Variants in ST8SIA4 observed in about 807,000 individuals in gnomAD.
The protein encoded by ST8SIA4 is CMP-N-acetylneuraminate-poly-alpha-2,8-sialyltransferase.
ST8SIA4 carries 15 observed loss-of-function variants against 33.9 expected under a neutral mutation model. That is an observed-to-expected ratio of 0.44 (90% CI 0.30 to 0.68). The LOEUF is 0.68. Among genes scored for constraint, ST8SIA4 ranks in the 30% least tolerant of loss-of-function variants. The probability of loss-of-function intolerance (pLI) is 0.10; values close to 1 mark genes in which losing one functional copy is unlikely to be tolerated. For synonymous variants in ST8SIA4, 171 were observed against 151.2 expected (o/e 1.13, Z -0.96); for missense variants, 321 against 428.0 (o/e 0.75, Z 2.21).
At chr5:100,858,746 G>T (rs1169080733) in intron 3 of ST8SIA4, among the ~76,000 whole-genome samples, 1 of 152,082 alleles carries the variant, frequency 6.6e-6, no homozygotes, top group Non-Finnish European at 1.5e-5. Flanking sequence ...TTTAATTAAT[G>T]AATGCTAAAT....
At chr5:100,824,965 G>C (rs1168196062) in intron 4 of ST8SIA4, among the ~76,000 whole-genome samples, 1 of 152,034 alleles carries the variant, frequency 6.6e-6, no homozygotes, top group East Asian at 1.9e-4. Context: ...AGAGGCAGAG[G>C]TGGGAGGATA....
At chr5:100,856,002 C>T (rs778540322) in intron 4 of ST8SIA4, 101 bp downstream of exon 4, 42 of 1,050,942 alleles carry the variant, frequency 4.0e-5, no homozygotes, top group Non-Finnish European at 5.6e-5. Context: ...AACATATATC[C>T]ATTTGGAGAT....
intron 4 of ST8SIA4, among the ~76,000 whole-genome samples, chr5:100,813,859 C>G (rs1750861359): frequency 1.3e-5 from 2 of 151,896 alleles, no homozygotes; most frequent in East Asian, 3.9e-4. Flanking sequence ...GTAAGCCAAG[C>G]AAATTCAAAA....
chr5:100,833,320 G>A (rs1447535801), intron 4 of ST8SIA4, among the ~76,000 whole-genome samples: 3 of 151,732 alleles, frequency 2.0e-5, no homozygotes, highest in Admixed American at 6.6e-5. Context: ...TGACACACAG[G>A]GTTTTTGTAT....
chr5:100,856,035 T>C, intron 4 of ST8SIA4, 68 bp downstream of exon 4: 2 of 1,381,738 alleles, frequency 1.4e-6, no homozygotes, highest in Non-Finnish European at 1.0e-6. Context: ...TATTCTTGTC[T>C]AGTGAAAATG....
In ST8SIA4 at chr5:100,897,615, A is replaced by G. The variant is rs1294005913; in HGVS notation, c.114-1830T>C. Among the ~76,000 whole-genome samples, 4 of 152,268 alleles carry G rather than the reference A, an allele frequency of 2.6e-5. No homozygotes were observed. In the East Asian group the frequency reaches 7.7e-4, roughly 29 times the overall value. On this transcript the variant is annotated intron_variant, in intron 1 of 4. Coordinates refer to ENST00000231461, the MANE Select transcript of ST8SIA4 (RefSeq NM_005668.6). The stretch of plus-strand genomic sequence containing the variant: ...TGGAAACATTGCCTGTGTAACAGCT[A>G]TTCGATGAATTCTGTAATTGAAGCC...
chr5:100,875,211 C>G (rs1231211367), intron 3 of ST8SIA4, among the ~76,000 whole-genome samples: 2 of 152,036 alleles, frequency 1.3e-5, no homozygotes, highest in Non-Finnish European at 2.9e-5. Context: ...TTTTTCAGCC[C>G]CTTATGATGG....
chr5:100,833,235 T>C (rs1005264503), intron 4 of ST8SIA4, among the ~76,000 whole-genome samples: 1 of 152,142 alleles, frequency 6.6e-6, no homozygotes, highest in Non-Finnish European at 1.5e-5. Context: ...GTCTTGCATG[T>C]AGAGGAAGAC....
chr5:100,838,419 G>C (rs997730093), intron 4 of ST8SIA4, among the ~76,000 whole-genome samples: 2 of 151,888 alleles, frequency 1.3e-5, no homozygotes, highest in Non-Finnish European at 2.9e-5. Flanking sequence ...ATTACAGTAT[G>C]GTGTTTCTAT....
At chr5:100,886,244 G>A in intron 3 of ST8SIA4, 99 bp downstream of exon 3, 1 of 1,506,322 alleles carries the variant, frequency 6.6e-7, no homozygotes, top group Non-Finnish European at 8.8e-7. Context: ...ATATTTGTTT[G>A]AGGTTTTAGT....
intron 4 of ST8SIA4, among the ~76,000 whole-genome samples, chr5:100,824,788 C>T (rs1027290417): frequency 6.6e-6 from 1 of 151,446 alleles, no homozygotes; most frequent in Non-Finnish European, 1.5e-5. Flanking sequence ...AGGTCAGGCA[C>T]AGTGGCTCAT....
At chr5:100,817,759 A>G (rs1340001170) in intron 4 of ST8SIA4, among the ~76,000 whole-genome samples, 1 of 152,248 alleles carries the variant, frequency 6.6e-6, no homozygotes, top group Non-Finnish European at 1.5e-5. Context: ...GAACTTGCTG[A>G]GAATAATTCA....
intron 3 of ST8SIA4, among the ~76,000 whole-genome samples, chr5:100,857,484 GA>G (rs1041691450): frequency 3.3e-5 from 5 of 151,698 alleles, no homozygotes; most frequent in African/African-American, 1.2e-4. Flanking sequence ...ACTGTATTGG[GA>G]AAAAGTTGTT....
intron 1 of ST8SIA4, chr5:100,900,427 T>G (rs1291242731): frequency 2.2e-6 from 1 of 456,118 alleles, no homozygotes; most frequent in South Asian, 1.5e-5. Context: ...ATGAGATGAT[T>G]TGATGGTTTT....
At chr5:100,851,911 T>C (rs1751707321) in intron 4 of ST8SIA4, among the ~76,000 whole-genome samples, 1 of 151,974 alleles carries the variant, frequency 6.6e-6, no homozygotes, top group Non-Finnish European at 1.5e-5. Flanking sequence ...ATTTGAGCTA[T>C]GTCTTAGATA....
chr5:100,900,132 G>T (rs183789442), intron 1 of ST8SIA4, among the ~76,000 whole-genome samples: 1 of 152,100 alleles, frequency 6.6e-6, no homozygotes, highest in Non-Finnish European at 1.5e-5. Flanking sequence ...CCCCATTTGC[G>T]GGGGGGAAGG....
At chr5:100,877,879 C>T (rs115982008) in intron 3 of ST8SIA4, among the ~76,000 whole-genome samples, 3,558 of 152,232 alleles carry the variant, frequency 0.023, 70 homozygotes, top group Admixed American at 0.035. Flanking sequence ...TAACTTTTGT[C>T]TTTGGGAAAA....
Position 100,856,521 on chromosome 5 carries a change from A to C in ST8SIA4, c.504-125T>G, listed in dbSNP as rs867446534. The C allele has an allele frequency of 5.8e-6, 5 of 868,140 alleles. No homozygotes were observed. The East Asian group carries it at 1.3e-4, about 23-fold the overall frequency. 53.8% of individuals were successfully genotyped at this position (868,140 alleles called of 1,614,324 possible). On this transcript the variant is annotated intron_variant, in intron 3 of 4. Coordinates refer to ENST00000231461, the MANE Select transcript of ST8SIA4 (RefSeq NM_005668.6). Reference sequence around the variant, plus strand: ...AACCATGTGAAAAGAAAACCAAAAGATCATCTACTTGGTAAGATTACATTT... The same window carrying C: ...AACCATGTGAAAAGAAAACCAAAAGCTCATCTACTTGGTAAGATTACATTT...
chr5:100,902,560 C>T (rs547841101), intron 1 of ST8SIA4, among the ~76,000 whole-genome samples: 1 of 152,314 alleles, frequency 6.6e-6, no homozygotes, highest in South Asian at 2.1e-4. Context: ...GACACACGTT[C>T]TTTGTTGACA....
Sources: allele counts gnomAD v4.1 joint callset (sites outside exome capture counted in the v4.1 genomes callset), GRCh38; gene constraint gnomAD v4.1.1; transcripts MANE v1.5; gene names NCBI Gene and HGNC (gene_info 2026-07-23, HGNC 2026-07-21).